OR8B2: variants seen among roughly 807,000 people sequenced by gnomAD.
OR8B2 encodes the protein olfactory receptor family 8 subfamily B member 2.
For missense variants in OR8B2, 304 were observed against 379.6 expected (o/e 0.80, Z 1.65); for synonymous variants, 98 against 138.2 (o/e 0.71, Z 2.04).
rs1360532648 is a variant in OR8B2 at position 124,382,654 on chromosome 11, G to A, written c.690C>T (p.Ser230=). 6.2e-7 allele frequency: 1 copy of A among 1,612,136 alleles called. No homozygotes were observed. Among genetic ancestry groups the A allele is most frequent in the Non-Finnish European group, 8.5e-7 (1 of 1,179,268 alleles). ...TGAAGGCTTTTGATCTTCCTTGAGT[G>A]GATTTGATATGAAGAATGCTAGTGA... The part of the protein sequence containing the change: ...FIVTSILHIK[S]TQGRSKAFST... The change falls in exon 2 of 2, where the codon TCC becomes TCT. Residue 230 remains serine, a synonymous_variant. Transcript: ENST00000641451.
chr11:124,382,608 T>A lies in OR8B2; in HGVS notation c.736A>T (p.Ile246Phe). The A allele has an allele frequency of 3.7e-6, 6 of 1,612,394 alleles. No individual in the cohort carries two copies. The East Asian group carries it at 6.7e-5, about 18-fold the overall frequency. ...KAFSTCSSHV[I>F]ALSLFFGSAA... The stretch of plus-strand genomic sequence containing the variant: ...GACCCAAAAAACAGAGACAGAGCAA[T>A]GACATGAGAGCTACAAGTACTGAAG... The change falls in exon 2 of 2, where the codon ATT (isoleucine) becomes TTT (phenylalanine). Residue 246 changes from isoleucine (I) to phenylalanine (F), a missense_variant. Physicochemically the swap from Ile to Phe is conservative, Grantham distance 21. Transcript: ENST00000641451.
At chr11:124,394,815 AC>A in the OR8B2 span, among the ~76,000 whole-genome samples, 1 of 151,560 alleles carries the variant, frequency 6.6e-6, no homozygotes. Context: ...TATAAATTAA[AC>A]CCCAAATTTG....
At chr11:124,397,305 C>T in the OR8B2 span, 2 of 1,350,816 alleles carry the variant, frequency 1.5e-6, no homozygotes, top group African/African-American at 3.3e-5. Context: ...ATCTGTTAAT[C>T]CAGCAAGAAT....
chr11:124,385,707 T>C (rs1354108144), upstream of OR8B2, among the ~76,000 whole-genome samples: 1 of 151,200 alleles, frequency 6.6e-6, no homozygotes, highest in African/African-American at 2.4e-5. Flanking sequence ...CACAGCTCAC[T>C]GCAGCCTCAA....
chr11:124,391,547 C>T, the OR8B2 span, among the ~76,000 whole-genome samples: 6 of 152,132 alleles, frequency 3.9e-5, no homozygotes, highest in African/African-American at 1.4e-4. Flanking sequence ...CGCATACACT[C>T]TCCCAAGACT....
chr11:124,394,251 A>G, the OR8B2 span, among the ~76,000 whole-genome samples: 1 of 148,328 alleles, frequency 6.7e-6, no homozygotes, highest in Non-Finnish European at 1.5e-5. Flanking sequence ...TTAAAGTATA[A>G]TAATAATAAA....
the OR8B2 span, among the ~76,000 whole-genome samples, chr11:124,393,576 C>A: frequency 1.3e-5 from 2 of 149,510 alleles, no homozygotes; most frequent in Non-Finnish European, 3.0e-5. Context: ...CCATCTCACA[C>A]CAGTTAAAAC....
At chr11:124,396,290 A>G in the OR8B2 span, 2 of 911,968 alleles carry the variant, frequency 2.2e-6, no homozygotes, top group East Asian at 5.4e-5. Flanking sequence ...AAGAGAAATG[A>G]TAAGACAAGT....
chr11:124,390,930 G>T, the OR8B2 span, among the ~76,000 whole-genome samples: 1 of 152,090 alleles, frequency 6.6e-6, no homozygotes, highest in Non-Finnish European at 1.5e-5. Flanking sequence ...GTGAGGTAGA[G>T]GTCAAGGTTT....
upstream of OR8B2, among the ~76,000 whole-genome samples, chr11:124,388,582 G>A (rs1380637780): frequency 6.6e-6 from 1 of 152,070 alleles, no homozygotes; most frequent in Non-Finnish European, 1.5e-5. Context: ...TTGACCAGAT[G>A]TATTCTGCTC....
chr11:124,385,557 C>T (rs11219618), upstream of OR8B2, among the ~76,000 whole-genome samples: 69,774 of 146,900 alleles, frequency 0.47, 17,299 homozygotes, highest in East Asian at 0.59. Context: ...CAGTTGAATC[C>T]TATGTACCTA....
the OR8B2 span, among the ~76,000 whole-genome samples, chr11:124,389,841 A>G: frequency 6.6e-6 from 1 of 152,170 alleles, no homozygotes; most frequent in African/African-American, 2.4e-5. Context: ...AAAAGCCAGT[A>G]GTATGCTATG....
chr11:124,393,472 CAAA>C, the OR8B2 span, among the ~76,000 whole-genome samples: 1 of 131,818 alleles, frequency 7.6e-6, no homozygotes, highest in African/African-American at 3.5e-5. Context: ...AGACACTTCT[CAAA>C]AGAAGACATT....
chr11:124,391,026 G>A, the OR8B2 span, among the ~76,000 whole-genome samples: 1 of 151,906 alleles, frequency 6.6e-6, no homozygotes, highest in African/African-American at 2.4e-5. Flanking sequence ...CTGTTCCTTG[G>A]TCAACAATCA....
chr11:124,382,462 C>T lies in OR8B2; in HGVS notation c.882G>A (p.Lys294=), dbSNP rs765394145. The T allele has an allele frequency of 3.1e-6, 5 of 1,613,660 alleles. No homozygotes were observed. The highest frequency in any genetic ancestry group is 4.2e-6 in the Non-Finnish European group (5 of 1,179,904). The change falls in exon 2 of 2, where the codon AAG becomes AAA. Residue 294 remains lysine (K), a synonymous_variant. Coordinates refer to ENST00000641451, the MANE Select transcript of OR8B2 (RefSeq NM_001005468.2). The stretch of plus-strand genomic sequence containing the variant: ...CTTTCCTCAGTGCAACTTTGACATC[C>T]TTGTTCCTCAAACTGTAGATGAGGG... The part of the protein sequence containing the change: ...LNPLIYSLRN[K]DVKVALRKAL...
chr11:124,384,910 C>A (rs907361120), upstream of OR8B2, among the ~76,000 whole-genome samples: 2 of 152,038 alleles, frequency 1.3e-5, no homozygotes, highest in African/African-American at 2.4e-5. Flanking sequence ...TTATAATTAT[C>A]GGCAGTGTTA....
At chr11:124,397,166 G>T in the OR8B2 span, 1 of 1,612,458 alleles carries the variant, frequency 6.2e-7, no homozygotes, top group Non-Finnish European at 8.5e-7. Context: ...GATTGAAGAG[G>T]AAATAGTACA....
the OR8B2 span, among the ~76,000 whole-genome samples, chr11:124,395,026 G>T: frequency 4.0e-5 from 6 of 151,892 alleles, no homozygotes; most frequent in African/African-American, 1.2e-4. Flanking sequence ...TATTTAAAAA[G>T]TAGGGAGGCA....
intron 1 of OR8B2, among the ~76,000 whole-genome samples, chr11:124,384,091 T>C (rs1263690666): frequency 6.6e-6 from 1 of 152,206 alleles, no homozygotes; most frequent in Admixed American, 6.6e-5. Flanking sequence ...GGTATTTTTA[T>C]GACCCTTAAA....
Sources: allele counts gnomAD v4.1 joint callset (sites outside exome capture counted in the v4.1 genomes callset), GRCh38; gene constraint gnomAD v4.1.1; transcripts MANE v1.5; gene names NCBI Gene and HGNC (gene_info 2026-07-23, HGNC 2026-07-21).